The following RARB variants were observed in gnomAD, a reference collection of about 807,000 sequenced individuals.
RARB encodes retinoic acid receptor beta.
RARB carries 17 observed loss-of-function variants against 51.9 expected under a neutral mutation model. The observed-to-expected ratio is 0.33, with a 90% confidence interval of 0.22 to 0.49. The LOEUF is 0.49. Ranked by LOEUF, RARB falls within the 20% of genes least tolerant of loss-of-function variation. The probability of loss-of-function intolerance (pLI) is 0.99; values close to 1 mark genes in which losing one functional copy is unlikely to be tolerated. For missense variants in RARB, 369 were observed against 550.8 expected (o/e 0.67, Z 3.30); for synonymous variants, 215 against 195.4 (o/e 1.10, Z -0.84).
intron 5 of RARB, among the ~76,000 whole-genome samples, chr3:25,250,578 T>C (rs889880372): frequency 6.6e-6 from 1 of 152,086 alleles, no homozygotes; most frequent in African/African-American, 2.4e-5. Flanking sequence ...CAGTGGCTCA[T>C]GATTCACGCC....
At chr3:25,577,335 G>A (rs1033384858) in intron 4 of RARB, among the ~76,000 whole-genome samples, 2 of 152,192 alleles carry the variant, frequency 1.3e-5, no homozygotes, top group Non-Finnish European at 2.9e-5. Context: ...TGATCGTTAA[G>A]CATGTAGAAC....
intron 5 of RARB, among the ~76,000 whole-genome samples, chr3:25,265,986 CA>C (rs1451392031): frequency 1.2e-4 from 19 of 152,156 alleles, no homozygotes; most frequent in Non-Finnish European, 2.6e-4. Flanking sequence ...TCAACCTAGT[CA>C]TCCTTACACT....
chr3:25,027,433 T>C (rs1165209731), intron 2 of RARB, among the ~76,000 whole-genome samples: 1 of 152,088 alleles, frequency 6.6e-6, no homozygotes, highest in Non-Finnish European at 1.5e-5. Flanking sequence ...CCCCATATGA[T>C]TTATAGGGAG....
chr3:25,455,168 A>C lies in RARB; in HGVS notation c.158-6025A>C, dbSNP rs112907340. On this transcript the variant is annotated intron_variant, in intron 1 of 7. Coordinates refer to ENST00000330688, the MANE Select transcript of RARB (RefSeq NM_000965.5). ...TTCAGACATTGAGAGCAAGTGTTTC[A>C]AAACTTTTGGAGCAATTTGACAGGG... is the stretch of plus-strand genomic sequence containing the variant. 6.0e-3 allele frequency among the ~76,000 whole-genome samples: 907 copies of C among 152,320 alleles called. 7 individuals are homozygous for C. The highest frequency in any genetic ancestry group is 0.02 in the African/African-American group (847 of 41,568).
rs75885382 is a variant in RARB, at chr3:25,569,040, C to T, written c.449-718C>T. Among the ~76,000 whole-genome samples, 237 of 152,348 alleles carry T rather than the reference C, an allele frequency of 1.6e-3. 2 individuals are homozygous for T. The East Asian group carries it at 0.022, about 14-fold the overall frequency. ...GCTCGGAGCATGCAGAGGGAAAGGACACACACCTGCTGTGGGTCCAGTGTT... is the reference window on the plus strand; with the variant it reads ...GCTCGGAGCATGCAGAGGGAAAGGATACACACCTGCTGTGGGTCCAGTGTT... On this transcript the variant is annotated intron_variant, in intron 3 of 7. Coordinates refer to ENST00000330688, the MANE Select transcript of RARB (RefSeq NM_000965.5).
rs76270778 is a variant in RARB, at chr3:25,595,864, A to G, written c.1151-556A>G. 5.1e-4 allele frequency among the ~76,000 whole-genome samples: 78 copies of G among 152,328 alleles called. 1 individual carries two copies. Among genetic ancestry groups the G allele is most frequent in the African/African-American group, 1.9e-3 (77 of 41,578 alleles). On this transcript the variant is annotated intron_variant, in intron 7 of 7. Transcript: ENST00000330688. ...AACTGCCATCAACCTGTCTTTTTCA[A>G]GATACACTTCTTTCATCAGGAACTT...
chr3:25,475,662 C>G (rs1400581543), intron 2 of RARB, among the ~76,000 whole-genome samples: 1 of 152,136 alleles, frequency 6.6e-6, no homozygotes, highest in Non-Finnish European at 1.5e-5. Flanking sequence ...TTTCTGAATC[C>G]TTGCTGGAAC....
intron 2 of RARB, among the ~76,000 whole-genome samples, chr3:25,056,409 A>G (rs1698443557): frequency 6.6e-6 from 1 of 152,196 alleles, no homozygotes; most frequent in East Asian, 1.9e-4. Flanking sequence ...TTTGCCCAGT[A>G]GCCTATCAGT....
chr3:25,398,156 C>T (rs1032266287), intron 5 of RARB, among the ~76,000 whole-genome samples: 8 of 152,058 alleles, frequency 5.3e-5, no homozygotes, highest in East Asian at 3.9e-4. Flanking sequence ...AGAAGCTCCA[C>T]GTTTGGGGGC....
intron 5 of RARB, among the ~76,000 whole-genome samples, chr3:25,416,362 C>T (rs1575384727): frequency 1.3e-5 from 2 of 152,314 alleles, no homozygotes; most frequent in East Asian, 3.9e-4. Context: ...GCACTCCAGC[C>T]TGGATAACAA....
chr3:25,371,495 T>A (rs1025639589), intron 5 of RARB, among the ~76,000 whole-genome samples: 1 of 152,254 alleles, frequency 6.6e-6, no homozygotes, highest in Non-Finnish European at 1.5e-5. Context: ...AAAATATCTT[T>A]CATGGTTTCT....
chr3:25,057,836 A>G (rs1464443900), intron 2 of RARB, among the ~76,000 whole-genome samples: 4 of 152,036 alleles, frequency 2.6e-5, no homozygotes, highest in African/African-American at 9.7e-5. Flanking sequence ...AAATGTATTC[A>G]GAACTTGACC....
chr3:25,384,619 C>T (rs115754287), intron 5 of RARB, among the ~76,000 whole-genome samples: 1 of 152,170 alleles, frequency 6.6e-6, no homozygotes, highest in Non-Finnish European at 1.5e-5. Flanking sequence ...TTCTCTTTCT[C>T]TAGAATGAGG....
intron 5 of RARB, among the ~76,000 whole-genome samples, chr3:25,240,050 T>G (rs534961283): frequency 1.3e-4 from 20 of 152,146 alleles, no homozygotes; most frequent in South Asian, 4.2e-4. Flanking sequence ...TTGTTTGTTT[T>G]TTTTTTGTTA....
At chr3:25,429,663 T>C (rs1708124347) in intron 1 of RARB, among the ~76,000 whole-genome samples, 1 of 151,934 alleles carries the variant, frequency 6.6e-6, no homozygotes, top group Admixed American at 6.6e-5. Flanking sequence ...GGTAGCCCAA[T>C]TTAAAAAAAA....
intron 2 of RARB, among the ~76,000 whole-genome samples, chr3:24,886,144 G>A (rs1703261749): frequency 6.6e-6 from 1 of 152,134 alleles, no homozygotes; most frequent in Non-Finnish European, 1.5e-5. Context: ...AGCTAAGGCT[G>A]GAAAACACTA....
rs917858289 is a variant in RARB at position 25,487,409 on chromosome 3, C to T, written c.307-13773C>T. Among the ~76,000 whole-genome samples, 11 of 151,156 alleles carry T rather than the reference C, an allele frequency of 7.3e-5. No homozygotes were observed. The South Asian group carries it at 8.4e-4, about 12-fold the overall frequency. Reference sequence around the variant, plus strand: ...GTGAAAAATAATCTGTCTGCTTTGCCGGTAGTGAATGCTTACAGAACACAC... The same window carrying T: ...GTGAAAAATAATCTGTCTGCTTTGCTGGTAGTGAATGCTTACAGAACACAC... On this transcript the variant is annotated intron_variant, in intron 2 of 7. Transcript: ENST00000330688.
chr3:25,006,065 C>T lies in RARB; in HGVS notation c.-379-54060C>T, dbSNP rs1248265275. 2.0e-5 allele frequency among the ~76,000 whole-genome samples: 3 copies of T among 152,106 alleles called. No homozygotes were observed. In the East Asian group the frequency reaches 5.8e-4, roughly 29 times the overall value. On this transcript the variant is annotated intron_variant, in intron 2 of 11. Transcript: ENST00000383772. ...TTTGACTGAACTGTCCTTCACCAGA[C>T]AGCCAAAGGGTTCACTCTTCATTTT...
intron 2 of RARB, among the ~76,000 whole-genome samples, chr3:24,973,412 C>T (rs1696443927): frequency 6.6e-6 from 1 of 151,994 alleles, no homozygotes. Context: ...ATGCCCCCAA[C>T]TTACTTCTTT....
Sources: gnomAD v4.1 joint callset for allele counts (sites outside exome capture counted in the v4.1 genomes callset) on GRCh38, gnomAD v4.1.1 for gene constraint, MANE v1.5 for transcripts, NCBI Gene and HGNC (gene_info 2026-07-23, HGNC 2026-07-21) for gene names.